RORA: variants seen among roughly 807,000 people sequenced by gnomAD.
RORA encodes nuclear receptor ROR-alpha.
Under a neutral mutation model 69.5 loss-of-function variants are expected in RORA, and 7 were observed. The observed-to-expected ratio is 0.10, with a 90% CI of 0.06 to 0.19. The LOEUF (loss-of-function observed/expected upper bound fraction) is 0.19, where lower values mean the gene tolerates loss of function less well. Ranked by LOEUF, RORA falls within the 10% of genes least tolerant of loss-of-function variation. The pLI is 1.00. For synonymous variants in RORA, 261 were observed against 240.8 expected, an observed-to-expected ratio of 1.08 and a Z score of -0.78; for missense variants, 457 against 663.0, an observed-to-expected ratio of 0.69 and a Z score of 3.41.
intron 1 of RORA, among the ~76,000 whole-genome samples, chr15:60,920,908 T>C (rs2062094): frequency 0.28 from 42,555 of 152,060 alleles, 6,650 homozygotes; most frequent in East Asian, 0.7. Context: ...TGCATTAAAC[T>C]CACTTCAAGG....
chr15:61,039,482 G>GA (rs1363019684), intron 1 of RORA, among the ~76,000 whole-genome samples: 3 of 152,072 alleles, frequency 2.0e-5, no homozygotes, highest in African/African-American at 7.2e-5. Flanking sequence ...TTGGGAGGCC[G>GA]AGGCAGGCAG....
chr15:60,598,921 ACC>A (rs1045418131), intron 2 of RORA, among the ~76,000 whole-genome samples: 3 of 152,208 alleles, frequency 2.0e-5, no homozygotes, highest in African/African-American at 7.2e-5. Context: ...ATGACTAAAC[ACC>A]TTCTGTGTGC....
At chr15:60,733,273 C>T (rs2071453638) in intron 1 of RORA, among the ~76,000 whole-genome samples, 2 of 152,100 alleles carry the variant, frequency 1.3e-5, no homozygotes, top group Admixed American at 6.6e-5. Context: ...TAAAAACTAC[C>T]GACTGTAGAG....
In RORA at chr15:60,511,747, A is replaced by G. The variant is rs1400587895; in HGVS notation, c.425-126T>C. 3 of 1,010,792 alleles carry G rather than the reference A, an allele frequency of 3.0e-6. No homozygotes were observed. Among genetic ancestry groups the G allele is most frequent in the South Asian group, 1.7e-5 (1 of 58,300 alleles). 62.6% of individuals were successfully genotyped at this position (1,010,792 alleles called of 1,614,324 possible). ...ATCCAAAACTGCATGACCACAAAAT[A>G]AGGACATATTCAGAGGTGAAAACAG... is the stretch of plus-strand genomic sequence containing the variant. On this transcript the variant is annotated intron_variant, in intron 4 of 10. Coordinates refer to ENST00000335670, the MANE Select transcript of RORA (RefSeq NM_134261.3). The surrounding 1 kb of genome is among the most constrained non-coding windows in gnomAD (Gnocchi z 6.4).
chr15:61,037,276 T>A (rs1896503626), intron 1 of RORA, among the ~76,000 whole-genome samples: 1 of 152,184 alleles, frequency 6.6e-6, no homozygotes, highest in Non-Finnish European at 1.5e-5. Context: ...CATCCCAAAG[T>A]GATTTCAGCT....
At chr15:60,714,538 T>C (rs1424924068) in intron 1 of RORA, among the ~76,000 whole-genome samples, 2 of 151,258 alleles carry the variant, frequency 1.3e-5, no homozygotes, top group Non-Finnish European at 2.9e-5. Flanking sequence ...CTAATTTTTG[T>C]ATTTTTAGTA....
chr15:61,056,842 T>C (rs2140523421), intron 1 of RORA, among the ~76,000 whole-genome samples: 1 of 152,326 alleles, frequency 6.6e-6, no homozygotes, highest in African/African-American at 2.4e-5. Context: ...TGAGTACAGA[T>C]AAAAATACCT....
chr15:60,911,146 G>A (rs1189459481), intron 1 of RORA, among the ~76,000 whole-genome samples: 2 of 136,710 alleles, frequency 1.5e-5, no homozygotes, highest in Non-Finnish European at 3.0e-5. Context: ...TGTTGGCCAG[G>A]CTGGTCTCGA....
At chr15:60,762,037 G>A (rs1490117665) in intron 1 of RORA, among the ~76,000 whole-genome samples, 5 of 152,108 alleles carry the variant, frequency 3.3e-5, no homozygotes, top group African/African-American at 1.2e-4. Context: ...AAACCCAGGT[G>A]TCTAAAACAT....
At chr15:60,725,865 G>T (rs1165054200) in intron 1 of RORA, among the ~76,000 whole-genome samples, 1 of 152,132 alleles carries the variant, frequency 6.6e-6, no homozygotes, top group Admixed American at 6.5e-5. Flanking sequence ...GAAGTGGAAG[G>T]GAGGCCATAT....
chr15:60,544,141 T>C (rs1036681707), intron 2 of RORA, among the ~76,000 whole-genome samples: 78 of 152,162 alleles, frequency 5.1e-4, no homozygotes, highest in African/African-American at 1.8e-3. Flanking sequence ...ACCCTCTTTC[T>C]CCAGAGCTCA....
chr15:61,079,760 G>T (rs2078510710), intron 1 of RORA, among the ~76,000 whole-genome samples: 3 of 152,210 alleles, frequency 2.0e-5, no homozygotes, highest in Admixed American at 1.3e-4. Flanking sequence ...TCCACAATGA[G>T]CTGGCTAGGG....
At chr15:60,587,396 A>G (rs1386504143) in intron 2 of RORA, among the ~76,000 whole-genome samples, 1 of 152,208 alleles carries the variant, frequency 6.6e-6, no homozygotes, top group African/African-American at 2.4e-5. Context: ...AATTTCCACT[A>G]ACTAGAGACA....
chr15:61,025,437 G>A (rs993931802), intron 1 of RORA, among the ~76,000 whole-genome samples: 3 of 152,186 alleles, frequency 2.0e-5, no homozygotes, highest in Admixed American at 2.0e-4. Context: ...CAAAGCAGCA[G>A]GGCAAACCCT....
intron 1 of RORA, among the ~76,000 whole-genome samples, chr15:60,903,821 A>C (rs1214280285): frequency 6.6e-6 from 1 of 152,230 alleles, no homozygotes; most frequent in East Asian, 1.9e-4. Context: ...GGTAACAATG[A>C]ATATAATATC....
chr15:60,542,603 T>TGCACACCTC (rs2066919423), intron 2 of RORA, among the ~76,000 whole-genome samples: 1 of 88,144 alleles, frequency 1.1e-5, no homozygotes, highest in Non-Finnish European at 2.1e-5. Flanking sequence ...ACGGCACGCA[T>TGCACACCTC]GCACACCTCA....
chr15:61,203,142 T>C (rs1465083110), intron 1 of RORA, among the ~76,000 whole-genome samples: 2 of 152,192 alleles, frequency 1.3e-5, no homozygotes, highest in African/African-American at 4.8e-5. Flanking sequence ...AACAGAATAC[T>C]ATGACCAAAA....
At chr15:60,781,194 G>C (rs752889244) in intron 1 of RORA, among the ~76,000 whole-genome samples, 4 of 152,138 alleles carry the variant, frequency 2.6e-5, no homozygotes, top group Non-Finnish European at 5.9e-5. Flanking sequence ...GGACGACTGA[G>C]CCTATCCTTG....
intron 1 of RORA, among the ~76,000 whole-genome samples, chr15:61,119,475 T>A (rs919424116): frequency 1.3e-5 from 2 of 151,254 alleles, no homozygotes; most frequent in African/African-American, 4.9e-5. Flanking sequence ...TATATATACA[T>A]TTTATTTTTT....
Sources: gnomAD v4.1 joint callset for allele counts (sites outside exome capture counted in the v4.1 genomes callset) on GRCh38, gnomAD v4.1.1 for gene constraint, Gnocchi (gnomAD v3.1) non-coding constraint, MANE v1.5 for transcripts, NCBI Gene and HGNC (gene_info 2026-07-23, HGNC 2026-07-21) for gene names.